Variants in TET1 observed in about 807,000 individuals in gnomAD.
TET1 encodes tet methylcytosine dioxygenase 1.
Under a neutral mutation model 148.7 loss-of-function variants are expected in TET1, and 13 were observed. That is an observed-to-expected ratio of 0.09 (90% CI 0.06 to 0.14). The LOEUF (loss-of-function observed/expected upper bound fraction) is 0.14, where lower values mean the gene tolerates loss of function less well. TET1 is among the 10% of genes least tolerant of loss of function. TET1 has a pLI of 1.00. For synonymous variants in TET1, 907 were observed against 937.2 expected, an observed-to-expected ratio of 0.97 and a Z score of 0.59; for missense variants, 2,182 against 2,553.8, an observed-to-expected ratio of 0.85 and a Z score of 3.14.
Position 68,595,612 on chromosome 10 carries a change from C to CTTTTTTTTTTTTTTTTTTTT in TET1, c.1915-5366_1915-5347dup, listed in dbSNP as rs71470530. ...CACAACACACACACACACACAGCTT[C>CTTTTTTTTTTTTTTTTTTTT]TTTTTTTTTTTTTTTTTTTTTTGAG... On this transcript the variant is annotated intron_variant, in intron 2 of 11. Coordinates refer to ENST00000373644, the MANE Select transcript of TET1 (RefSeq NM_030625.3). Among the ~76,000 whole-genome samples, 61 of 76,508 alleles carry CTTTTTTTTTTTTTTTTTTTT rather than the reference C, an allele frequency of 8.0e-4. 4 individuals carry two copies. Among genetic ancestry groups the CTTTTTTTTTTTTTTTTTTTT allele is most frequent in the Non-Finnish European group, 1.3e-3 (50 of 39,498 alleles). The allele number at this position is 76,508 out of a possible 152,430, so 50.2% of individuals were successfully genotyped here.
At chr10:68,651,705 T>C in intron 4 of TET1, 141 bp from the exon 5 acceptor site, 1 of 524,378 alleles carries the variant, frequency 1.9e-6, no homozygotes, top group South Asian at 4.4e-5. Flanking sequence ...TGTCCTTGCC[T>C]TTAATTATCA....
intron 11 of TET1, among the ~76,000 whole-genome samples, chr10:68,687,195 G>T (rs1316983237): frequency 7.7e-6 from 1 of 130,032 alleles, no homozygotes; most frequent in Non-Finnish European, 1.6e-5. Context: ...GAGCCACCGC[G>T]CCCGGCCTAC....
intron 8 of TET1, among the ~76,000 whole-genome samples, chr10:68,675,876 A>T (rs947203015): frequency 6.6e-6 from 1 of 151,978 alleles, no homozygotes; most frequent in Non-Finnish European, 1.5e-5. Context: ...TTGTCTTGAG[A>T]TGGAGTTTCG....
intron 8 of TET1, chr10:68,674,351 C>G: frequency 4.5e-6 from 1 of 222,134 alleles, no homozygotes; most frequent in Non-Finnish European, 9.0e-6. Flanking sequence ...AAGAATAAGG[C>G]AGCACAAAGG....
chr10:68,674,656 CA>C, intron 8 of TET1: 1 of 449,212 alleles, frequency 2.2e-6, no homozygotes. Flanking sequence ...GTTTCATGGT[CA>C]AAAAATGGCA....
chr10:68,639,457 CTACTACTACTAT>C (rs1204134133), intron 3 of TET1, among the ~76,000 whole-genome samples: 2 of 143,130 alleles, frequency 1.4e-5, no homozygotes, highest in African/African-American at 2.6e-5. Context: ...ACTACTACTA[CTACTACTACTAT>C]TATTATTATT....
At chr10:68,631,433 C>CT (rs546257824) in intron 3 of TET1, among the ~76,000 whole-genome samples, 1,668 of 110,476 alleles carry the variant, frequency 0.015, 23 homozygotes, top group African/African-American at 0.041. Context: ...TTTCTTTCTT[C>CT]TTTTTTTTTT....
intron 2 of TET1, among the ~76,000 whole-genome samples, chr10:68,589,178 T>C (rs2053892090): frequency 1.3e-5 from 2 of 152,042 alleles, no homozygotes; most frequent in African/African-American, 2.4e-5. Flanking sequence ...CTCTGAATCA[T>C]GGTCTGGTAA....
intron 3 of TET1, among the ~76,000 whole-genome samples, chr10:68,609,307 A>C (rs1051428059): frequency 1.3e-5 from 2 of 152,120 alleles, no homozygotes; most frequent in African/African-American, 4.8e-5. Context: ...GATTACAGGC[A>C]TGTGCCACCA....
chr10:68,632,238 C>A (rs531345197), intron 3 of TET1: 34 of 710,918 alleles, frequency 4.8e-5, no homozygotes, highest in Non-Finnish European at 7.3e-5. Context: ...AGGAGAATGG[C>A]GTGAACCCGG....
chr10:68,579,151 A>G (rs1021874945), intron 2 of TET1, among the ~76,000 whole-genome samples: 11 of 152,252 alleles, frequency 7.2e-5, no homozygotes, highest in African/African-American at 2.7e-4. Context: ...TCTCTAGTAG[A>G]GAGACCTCCC....
chr10:68,657,435 C>T (rs939317838), intron 6 of TET1, among the ~76,000 whole-genome samples: 9 of 152,154 alleles, frequency 5.9e-5, no homozygotes, highest in African/African-American at 2.2e-4. Context: ...CTCAGCCTCC[C>T]AAAGTGCGGG....
intron 3 of TET1, among the ~76,000 whole-genome samples, chr10:68,620,908 ACATCTTTTC>A: frequency 6.6e-6 from 1 of 152,274 alleles, no homozygotes; most frequent in East Asian, 1.9e-4. Flanking sequence ...ATGGTATTTA[ACATCTTTTC>A]ATGTGCCTCT....
chr10:68,666,089 A>C (rs2055191988), intron 6 of TET1, among the ~76,000 whole-genome samples: 1 of 151,544 alleles, frequency 6.6e-6, no homozygotes. Flanking sequence ...AAATGGTTGG[A>C]TGGTTTTATG....
At chr10:68,631,402 ACT>A (rs1447847366) in intron 3 of TET1, among the ~76,000 whole-genome samples, 3 of 149,992 alleles carry the variant, frequency 2.0e-5, no homozygotes, top group Admixed American at 2.0e-4. Context: ...GTATTAGCTA[ACT>A]ATCCCCAGAA....
intron 2 of TET1, among the ~76,000 whole-genome samples, chr10:68,588,029 AT>A (rs1337027377): frequency 1.3e-5 from 2 of 151,904 alleles, no homozygotes; most frequent in Non-Finnish European, 2.9e-5. Context: ...CGCCTGGCTA[AT>A]TTTTGTATTT....
intron 3 of TET1, among the ~76,000 whole-genome samples, chr10:68,611,061 G>A (rs1406749211): frequency 1.3e-5 from 2 of 152,146 alleles, no homozygotes; most frequent in African/African-American, 2.4e-5. Flanking sequence ...TTGGGAGGCC[G>A]AAGGTGGTGG....
rs748197202 is a variant in TET1, at chr10:68,682,881, G to A, written c.4960G>A (p.Glu1654Lys). 1.9e-6 allele frequency: 3 copies of A among 1,613,786 alleles called. No individual in the cohort carries two copies. Among genetic ancestry groups the A allele is most frequent in the Non-Finnish European group, 2.5e-6 (3 of 1,179,944 alleles). The change falls in exon 10 of 12, where the codon GAA becomes AAA. Residue 1654 changes from glutamate to lysine, a missense_variant. Glu to Lys is a moderately conservative substitution (Grantham distance 56, BLOSUM62 1). Coordinates refer to ENST00000373644, the MANE Select transcript of TET1 (RefSeq NM_030625.3). ...CCGAGAATGTCGGCTTGGCAGCAAG[G>A]AAGGTCGTCCCTTCTCTGGGGTCAC... The part of the protein sequence containing the change: ...VARECRLGSK[E>K]GRPFSGVTAC...
intron 8 of TET1, among the ~76,000 whole-genome samples, chr10:68,679,195 A>G (rs569043546): frequency 3.8e-4 from 58 of 152,262 alleles, no homozygotes; most frequent in Non-Finnish European, 5.1e-4. Context: ...AAAATAAAAG[A>G]TGAAAAATAA....
Sources: gnomAD v4.1 joint callset for allele counts (sites outside exome capture counted in the v4.1 genomes callset) on GRCh38, gnomAD v4.1.1 for gene constraint, MANE v1.5 for transcripts, NCBI Gene and HGNC (gene_info 2026-07-23, HGNC 2026-07-21) for gene names.